The following SMCHD1 variants were observed in gnomAD, a reference collection of about 807,000 sequenced individuals.
The protein encoded by SMCHD1 is structural maintenance of chromosomes flexible hinge domain-containing protein 1.
SMCHD1 carries 78 observed loss-of-function variants against 254.7 expected under a neutral mutation model. The ratio of observed to expected loss-of-function variants is 0.31; its 90% CI spans 0.26 to 0.37. SMCHD1 has a LOEUF of 0.37. Among genes scored for constraint, SMCHD1 ranks in the 10% least tolerant of loss-of-function variants. The probability of loss-of-function intolerance (pLI) is 1.00; values close to 1 mark genes in which losing one functional copy is unlikely to be tolerated. For missense variants in SMCHD1, 1,840 were observed against 2,408.1 expected (o/e 0.76, Z 4.94); for synonymous variants, 766 against 794.9 (o/e 0.96, Z 0.61).
intron 5 of SMCHD1, among the ~76,000 whole-genome samples, chr18:2,675,821 C>G (rs1415570569): frequency 6.6e-6 from 1 of 152,160 alleles, no homozygotes; most frequent in Non-Finnish European, 1.5e-5. Context: ...GGGACATTGA[C>G]TCTGATTTCT....
intron 42 of SMCHD1, 114 bp downstream of exon 42, chr18:2,776,038 G>T: frequency 2.2e-6 from 2 of 912,264 alleles, no homozygotes; most frequent in East Asian, 2.9e-5. Context: ...GAATTGACTT[G>T]AATTATATAC....
At chr18:2,738,269 C>T in intron 25 of SMCHD1, 128 bp from the exon 26 acceptor site, 2 of 802,742 alleles carry the variant, frequency 2.5e-6, no homozygotes, top group Non-Finnish European at 3.7e-6. Flanking sequence ...CCGTTTCTGA[C>T]CATAAAGAGA....
chr18:2,667,507 C>T (rs939741339), intron 3 of SMCHD1, among the ~76,000 whole-genome samples: 4 of 152,206 alleles, frequency 2.6e-5, no homozygotes, highest in African/African-American at 9.6e-5. Flanking sequence ...GTGATCTTTA[C>T]AAATCAATTA....
At chr18:2,738,282 T>A (rs577189491) in intron 25 of SMCHD1, 115 bp from the exon 26 acceptor site, 1 of 984,052 alleles carries the variant, frequency 1.0e-6, no homozygotes, top group South Asian at 2.0e-5. Flanking sequence ...TAAAGAGACT[T>A]TTTTCTTGGG....
At chr18:2,699,475 G>T (rs1318136831) in intron 10 of SMCHD1, among the ~76,000 whole-genome samples, 1 of 152,118 alleles carries the variant, frequency 6.6e-6, no homozygotes, top group Non-Finnish European at 1.5e-5. Flanking sequence ...GAGTAACTGG[G>T]ACTACAGGTG....
At chr18:2,730,324 C>T (rs1218383636) in intron 24 of SMCHD1, among the ~76,000 whole-genome samples, 1 of 152,144 alleles carries the variant, frequency 6.6e-6, no homozygotes, top group South Asian at 2.1e-4. Flanking sequence ...GCACCCGCCA[C>T]CACGCCTGAC....
intron 44 of SMCHD1, among the ~76,000 whole-genome samples, chr18:2,782,005 A>C (rs2076164389): frequency 6.6e-6 from 1 of 152,222 alleles, no homozygotes; most frequent in African/African-American, 2.4e-5. Flanking sequence ...AGTTTTGCAA[A>C]AATGTTGTAG....
intron 3 of SMCHD1, 127 bp from the exon 4 acceptor site, chr18:2,673,154 G>T: frequency 7.5e-7 from 1 of 1,334,464 alleles, no homozygotes; most frequent in Non-Finnish European, 9.7e-7. Context: ...TATATCATTA[G>T]GATCAGGATA....
intron 32 of SMCHD1, 100 bp downstream of exon 32, chr18:2,750,607 G>T: frequency 1.1e-6 from 1 of 925,544 alleles, no homozygotes; most frequent in Non-Finnish European, 1.6e-6. Context: ...TCAGTCTAAT[G>T]TAGGAGACAG....
chr18:2,696,968 G>A (rs1770114497), intron 8 of SMCHD1, 64 bp from the exon 9 acceptor site: 5 of 747,680 alleles, frequency 6.7e-6, no homozygotes, highest in Non-Finnish European at 1.1e-5. Flanking sequence ...TATTTTGATA[G>A]AAGATTACAT....
rs748044171 is a variant in SMCHD1, at chr18:2,707,627, C to G, written c.2128C>G (p.Pro710Ala). ...TGAATTATTGCCTAATGAGGTTAGG[C>G]CTGCTGGAACCCCTATTGGTATGTT... is the stretch of plus-strand genomic sequence containing the variant. ...GDELLPNEVRPAGTPIGALRI... is the reference protein window; with the variant it reads ...GDELLPNEVRAAGTPIGALRI... Residue 710 changes from proline (P) to alanine (A), a missense_variant, in exon 16 of 48, where the codon CCT becomes GCT. Pro to Ala is a conservative substitution (Grantham distance 27). Transcript: ENST00000320876. 6.2e-7 allele frequency: 1 copy of G among 1,601,870 alleles called. No individual in the cohort carries two copies. Among genetic ancestry groups the G allele is most frequent in the Non-Finnish European group, 8.5e-7 (1 of 1,172,242 alleles).
At chr18:2,793,672 G>GAAA (rs77607786) in intron 45 of SMCHD1, among the ~76,000 whole-genome samples, 1 of 65,880 alleles carries the variant, frequency 1.5e-5, no homozygotes, top group Admixed American at 1.6e-4. Flanking sequence ...AAAAAAAAAA[G>GAAA]AAAGAAAACA....
chr18:2,745,143 A>G (rs1333504349), intron 29 of SMCHD1, among the ~76,000 whole-genome samples: 1 of 152,206 alleles, frequency 6.6e-6, no homozygotes, highest in Non-Finnish European at 1.5e-5. Context: ...GCACCCGGCC[A>G]GGACTTTTAA....
At chr18:2,667,954 A>T (rs2143811249) in intron 3 of SMCHD1, among the ~76,000 whole-genome samples, 1 of 152,138 alleles carries the variant, frequency 6.6e-6, no homozygotes, top group Middle Eastern at 3.4e-3. Context: ...ATCTTGGCTC[A>T]CTGCAACCTC....
intron 46 of SMCHD1, 117 bp downstream of exon 46, chr18:2,796,224 C>T (rs1435977414): frequency 2.9e-6 from 3 of 1,020,784 alleles, no homozygotes; most frequent in Non-Finnish European, 4.2e-6. Context: ...TTAACAAAAA[C>T]TCTTAACCTC....
intron 21 of SMCHD1, among the ~76,000 whole-genome samples, chr18:2,725,960 A>G (rs555718151): frequency 1.1e-3 from 160 of 152,052 alleles, no homozygotes; most frequent in Middle Eastern, 3.4e-3. Context: ...TTATCCACAC[A>G]TTGACAAAAT....
At chr18:2,755,358 C>T (rs1273040198) in intron 34 of SMCHD1, among the ~76,000 whole-genome samples, 1 of 151,856 alleles carries the variant, frequency 6.6e-6, no homozygotes, top group African/African-American at 2.4e-5. Context: ...TTTTTGTGGA[C>T]TCAAGGTCTC....
At chr18:2,681,627 C>T (rs992579796) in intron 5 of SMCHD1, among the ~76,000 whole-genome samples, 1 of 148,442 alleles carries the variant, frequency 6.7e-6, no homozygotes, top group African/African-American at 2.5e-5. Flanking sequence ...ATTACATAAA[C>T]CTAGAAAATT....
In SMCHD1 at chr18:2,656,021, T is replaced by C; in HGVS notation, c.-55T>C. 7.8e-7 allele frequency: 1 copy of C among 1,280,252 alleles called. No homozygotes were observed. Among genetic ancestry groups the C allele is most frequent in the Admixed American group, 4.2e-5 (1 of 24,064 alleles). 79.3% of individuals were successfully genotyped at this position (1,280,252 alleles called of 1,614,324 possible). A position where few individuals can be genotyped will look rare whatever the true frequency, so the allele number is the denominator to read the frequency against. ...GAAGGCGCCGCGCGGAGCGCGCACC[T>C]CAGCCCTGAGCCCGGCGGCGGCAGG... On this transcript the variant is annotated 5_prime_UTR_variant, in exon 1 of 48. Transcript: ENST00000320876.
Sources: gnomAD v4.1 joint callset for allele counts (sites outside exome capture counted in the v4.1 genomes callset) on GRCh38, gnomAD v4.1.1 for gene constraint, MANE v1.5 for transcripts, NCBI Gene and HGNC (gene_info 2026-07-23, HGNC 2026-07-21) for gene names.